Variants in UNC80 observed in about 807,000 individuals in gnomAD.
UNC80 encodes the protein unc-80 subunit of NALCN channel complex, also known as protein unc-80 homolog.
UNC80 carries 164 observed loss-of-function variants against 384.6 expected under a neutral mutation model. The observed-to-expected ratio is 0.43, with a 90% CI of 0.38 to 0.49. The LOEUF (loss-of-function observed/expected upper bound fraction) is 0.49. UNC80 is among the 20% of genes least tolerant of loss of function. The pLI is 0.00. For synonymous variants in UNC80, 1,486 were observed against 1,527.8 expected (o/e 0.97, Z 0.64); for missense variants, 3,330 against 4,143.0 (o/e 0.80, Z 5.39).
chr2:209,904,323 G>A (rs1382772034), intron 28 of UNC80, among the ~76,000 whole-genome samples: 1 of 152,196 alleles, frequency 6.6e-6, no homozygotes, highest in Admixed American at 6.5e-5. Context: ...TCCCACATGG[G>A]TGGGCTGGCA....
rs1462239861 is a variant in UNC80 at position 209,859,313 on chromosome 2, T to G, written c.3627+9690T>G. On this transcript the variant is annotated intron_variant, in intron 22 of 64. Coordinates refer to ENST00000673920, the MANE Select transcript of UNC80 (RefSeq NM_001371986.1). ...TTGATTATCTGTTCCTGTGTTAGTT[T>G]GCTGAGGATGATGGCTGCCAGCTTC... 3.3e-5 allele frequency among the ~76,000 whole-genome samples: 5 copies of G among 152,232 alleles called. No homozygotes were observed. The East Asian group carries it at 9.6e-4, about 29-fold the overall frequency.
intron 13 of UNC80, among the ~76,000 whole-genome samples, chr2:209,825,412 G>A (rs957209292): frequency 2.0e-5 from 3 of 152,160 alleles, no homozygotes; most frequent in African/African-American, 7.2e-5. Context: ...TTATAATACA[G>A]TGAAAGTATA....
chr2:209,920,844 T>C (rs1011844199), intron 33 of UNC80, among the ~76,000 whole-genome samples: 2 of 152,062 alleles, frequency 1.3e-5, no homozygotes, highest in African/African-American at 4.8e-5. Flanking sequence ...TTTTTTTTTT[T>C]TGAGACAGGG....
At chr2:209,799,894 C>T (rs541937734) in intron 7 of UNC80, among the ~76,000 whole-genome samples, 41 of 152,308 alleles carry the variant, frequency 2.7e-4, no homozygotes, top group African/African-American at 9.4e-4. Context: ...ATATGTTGAA[C>T]CAACCTTGCT....
At chr2:209,906,018 G>A (rs974621109) in intron 29 of UNC80, among the ~76,000 whole-genome samples, 3 of 152,062 alleles carry the variant, frequency 2.0e-5, no homozygotes, top group Non-Finnish European at 2.9e-5. Flanking sequence ...CATTTCAACG[G>A]GCATTTATTA....
chr2:209,916,525 G>C (rs1306247100), intron 31 of UNC80, among the ~76,000 whole-genome samples: 3 of 152,078 alleles, frequency 2.0e-5, no homozygotes, highest in Admixed American at 6.6e-5. Context: ...ATTGAGGCAG[G>C]GTGGGTTTCA....
At chr2:209,969,585 C>A in intron 52 of UNC80, 183 bp from the exon 53 acceptor site, 1 of 739,612 alleles carries the variant, frequency 1.4e-6, no homozygotes, top group East Asian at 2.9e-5. Context: ...AGGCCTGCCT[C>A]TGCTACGTTT....
intron 36 of UNC80, among the ~76,000 whole-genome samples, chr2:209,929,228 T>C (rs1414381489): frequency 6.6e-6 from 1 of 152,208 alleles, no homozygotes; most frequent in Non-Finnish European, 1.5e-5. Context: ...CAGTGCTTAC[T>C]GGCCCTGTTT....
chr2:209,778,850 A>G (rs1280381481), intron 4 of UNC80, among the ~76,000 whole-genome samples: 1 of 152,232 alleles, frequency 6.6e-6, no homozygotes, highest in Non-Finnish European at 1.5e-5. Context: ...TCAAGTTAGT[A>G]ATATATTTAT....
At chr2:209,815,941 T>G (rs1363409073) in intron 9 of UNC80, among the ~76,000 whole-genome samples, 1 of 152,212 alleles carries the variant, frequency 6.6e-6, no homozygotes, top group African/African-American at 2.4e-5. Flanking sequence ...CAGAAAATAA[T>G]ATGTGTAGAC....
chr2:209,989,672 T>C (rs2093356408), intron 61 of UNC80, among the ~76,000 whole-genome samples: 1 of 152,220 alleles, frequency 6.6e-6, no homozygotes, highest in African/African-American at 2.4e-5. Context: ...TGAAAACCCC[T>C]TAGTCTTCTC....
intron 7 of UNC80, chr2:209,809,298 A>G (rs1021341392): frequency 2.6e-6 from 2 of 757,198 alleles, no homozygotes; most frequent in Non-Finnish European, 4.9e-6. Flanking sequence ...CCCTCAAGAA[A>G]CACATCCGAA....
At chr2:209,802,201 GT>G (rs1461230656) in intron 7 of UNC80, among the ~76,000 whole-genome samples, 1 of 152,104 alleles carries the variant, frequency 6.6e-6, no homozygotes, top group Non-Finnish European at 1.5e-5. Flanking sequence ...TAAAATTTCA[GT>G]TAGATGAGAG....
intron 7 of UNC80, among the ~76,000 whole-genome samples, chr2:209,806,443 C>A (rs544383362): frequency 1.1e-3 from 174 of 152,128 alleles, no homozygotes; most frequent in Admixed American, 2.9e-3. Context: ...CATATATGTG[C>A]GTAGTCGCCC....
At chr2:209,992,273 G>C in intron 62 of UNC80, 26 bp downstream of exon 62, 1 of 1,542,926 alleles carries the variant, frequency 6.5e-7, no homozygotes, top group South Asian at 1.2e-5. Context: ...AAGCGCAAGA[G>C]AACCATCCTA....
At chr2:209,808,658 G>C (rs958722620) in intron 7 of UNC80, 3 of 148,354 alleles carry the variant, frequency 2.0e-5, no homozygotes, top group African/African-American at 7.6e-5. Context: ...ATAAAGAGGC[G>C]TGGCCGGAAA....
At chr2:209,899,068 G>A (rs1302828978) in intron 28 of UNC80, among the ~76,000 whole-genome samples, 3 of 152,140 alleles carry the variant, frequency 2.0e-5, no homozygotes. Flanking sequence ...TGTGAACAGT[G>A]CCACAACAAA....
chr2:209,912,220 G>T (rs1435153549), intron 29 of UNC80, among the ~76,000 whole-genome samples: 1 of 151,984 alleles, frequency 6.6e-6, no homozygotes, highest in Non-Finnish European at 1.5e-5. Flanking sequence ...AATATAATTA[G>T]CCCTGAAATG....
intron 8 of UNC80, among the ~76,000 whole-genome samples, chr2:209,814,537 C>T (rs912806676): frequency 3.3e-5 from 5 of 152,224 alleles, no homozygotes; most frequent in Non-Finnish European, 7.4e-5. Context: ...TGAGCCACCG[C>T]GCCTGGCCAA....
Sources: allele counts gnomAD v4.1 joint callset (sites outside exome capture counted in the v4.1 genomes callset), GRCh38; gene constraint gnomAD v4.1.1; transcripts MANE v1.5; gene names NCBI Gene and HGNC (gene_info 2026-07-23, HGNC 2026-07-21).